The following BBS9 variants were observed in gnomAD, a reference collection of about 807,000 sequenced individuals.
BBS9 encodes protein PTHB1.
In BBS9, 89 loss-of-function variants were observed where a neutral mutation model predicts 117.7. The ratio of observed to expected loss-of-function variants is 0.76; its 90% CI spans 0.64 to 0.90. The LOEUF (loss-of-function observed/expected upper bound fraction) is 0.90, where lower values mean the gene tolerates loss of function less well. Among genes scored for constraint, BBS9 ranks in the 40% least tolerant of loss-of-function variants. The pLI is 0.00. For synonymous variants in BBS9, 379 were observed against 370.9 expected (o/e 1.02, Z -0.25); for missense variants, 982 against 1,042.2 (o/e 0.94, Z 0.80).
chr7:33,574,700 C>CACAT lies in BBS9; in HGVS notation c.2522-30162_2522-30161insTACA, dbSNP rs1187744909. Among the ~76,000 whole-genome samples, 244 of 140,002 alleles carry CACAT rather than the reference C, an allele frequency of 1.7e-3. 2 individuals carry two copies. Among genetic ancestry groups the CACAT allele is most frequent in the Middle Eastern group, 7.1e-3 (2 of 280 alleles). 91.8% of individuals were successfully genotyped at this position (140,002 alleles called of 152,430 possible). A position where few individuals can be genotyped will look rare whatever the true frequency, so the allele number is the denominator to read the frequency against. On this transcript the variant is annotated intron_variant, in intron 21 of 22. Transcript: ENST00000242067. The stretch of plus-strand genomic sequence containing the variant: ...GTCATAGAAAACACACACACACACA[C>CACAT]ACACACACACACACACACACACACA...
intron 21 of BBS9, among the ~76,000 whole-genome samples, chr7:33,576,125 T>C (rs1427068919): frequency 6.6e-6 from 1 of 152,206 alleles, no homozygotes; most frequent in Non-Finnish European, 1.5e-5. Flanking sequence ...TGTCCCTGTT[T>C]GCAGGTGACA....
intron 21 of BBS9, among the ~76,000 whole-genome samples, chr7:33,633,688 G>T (rs983743288): frequency 6.6e-6 from 1 of 151,920 alleles, no homozygotes; most frequent in Non-Finnish European, 1.5e-5. Context: ...AGGCATACTT[G>T]CAGTATTCCT....
intron 9 of BBS9, among the ~76,000 whole-genome samples, chr7:33,330,406 T>A (rs1245590113): frequency 6.6e-6 from 1 of 152,200 alleles, no homozygotes; most frequent in African/African-American, 2.4e-5. Context: ...TGGTTGCCAA[T>A]GTTTTCTGAG....
At chr7:33,464,187 A>G (rs1419710927) in intron 19 of BBS9, among the ~76,000 whole-genome samples, 1 of 152,096 alleles carries the variant, frequency 6.6e-6, no homozygotes, top group East Asian at 1.9e-4. Flanking sequence ...CATTAGCTTT[A>G]TTTAACTAAA....
At chr7:33,430,443 A>C (rs1052136052) in intron 19 of BBS9, among the ~76,000 whole-genome samples, 8 of 152,210 alleles carry the variant, frequency 5.3e-5, no homozygotes, top group African/African-American at 1.7e-4. Context: ...TAGCATCTAG[A>C]AAATAGTTGG....
At chr7:33,170,037 G>T (rs577416793) in intron 4 of BBS9, among the ~76,000 whole-genome samples, 2 of 152,044 alleles carry the variant, frequency 1.3e-5, no homozygotes, top group African/African-American at 4.8e-5. Context: ...GGAGGAACTG[G>T]TACCATTCCT....
At chr7:33,518,275 G>A (rs1393465538) in intron 20 of BBS9, among the ~76,000 whole-genome samples, 4 of 103,698 alleles carry the variant, frequency 3.9e-5, no homozygotes, top group African/African-American at 1.5e-4. Context: ...TTTTTGAGAT[G>A]GAGTCCCACC....
chr7:33,576,500 C>T (rs1278767857), intron 21 of BBS9, among the ~76,000 whole-genome samples: 1 of 152,090 alleles, frequency 6.6e-6, no homozygotes, highest in African/African-American at 2.4e-5. Context: ...TTTATAGATT[C>T]AATGTCGTCC....
intron 2 of BBS9, among the ~76,000 whole-genome samples, chr7:33,151,850 CTTTTT>C (rs11346140): frequency 2.4e-5 from 2 of 82,352 alleles, no homozygotes; most frequent in African/African-American, 4.5e-5. Flanking sequence ...TGCACCCAGC[CTTTTT>C]TTTTTTTTTT....
chr7:33,499,354 G>A (rs1359762504), intron 19 of BBS9, among the ~76,000 whole-genome samples: 1 of 152,168 alleles, frequency 6.6e-6, no homozygotes, highest in Non-Finnish European at 1.5e-5. Context: ...GCAAAGTCAG[G>A]ACTAGAAGCT....
intron 21 of BBS9, among the ~76,000 whole-genome samples, chr7:33,558,687 C>T (rs563904066): frequency 6.6e-6 from 1 of 152,174 alleles, no homozygotes; most frequent in South Asian, 2.1e-4. Context: ...GGCCAACCTG[C>T]ATTCATAATC....
chr7:33,552,653 G>A (rs1050279367), intron 21 of BBS9, among the ~76,000 whole-genome samples: 27 of 152,022 alleles, frequency 1.8e-4, no homozygotes, highest in African/African-American at 6.0e-4. Flanking sequence ...AATTGATTTC[G>A]TATCTCATTC....
rs528495110 is a variant in BBS9 at position 33,471,208 on chromosome 7, A to T, written c.2116-34255A>T. Reference sequence around the variant, plus strand: ...CTCCTTTTACTTGATTTTTAAATGTACAGTCATAGTGGGATGGGGGAAGAA... The same window carrying T: ...CTCCTTTTACTTGATTTTTAAATGTTCAGTCATAGTGGGATGGGGGAAGAA... On this transcript the variant is annotated intron_variant, in intron 19 of 22. Transcript: ENST00000242067. 1.4e-4 allele frequency among the ~76,000 whole-genome samples: 21 copies of T among 152,306 alleles called. No homozygotes were observed. In the Middle Eastern group the frequency reaches 0.01, roughly 74 times the overall value.
At chr7:33,136,262 C>A (rs9886317) in intron 1 of BBS9, among the ~76,000 whole-genome samples, 24,602 of 152,054 alleles carry the variant, frequency 0.16, 2,131 homozygotes, top group South Asian at 0.21. Flanking sequence ...TTCCCAAATT[C>A]CTTAGGATTT....
chr7:33,348,807 T>C (rs1367240396), intron 12 of BBS9, among the ~76,000 whole-genome samples: 2 of 152,196 alleles, frequency 1.3e-5, no homozygotes, highest in Non-Finnish European at 2.9e-5. Context: ...ATCTCCTTCA[T>C]AACTAAGGAT....
At chr7:33,581,582 G>C (rs1347905333) in intron 21 of BBS9, among the ~76,000 whole-genome samples, 1 of 152,148 alleles carries the variant, frequency 6.6e-6, no homozygotes, top group Non-Finnish European at 1.5e-5. Context: ...ACGGAGCCCA[G>C]CTGATAAATA....
chr7:33,590,708 A>G (rs1217340079), intron 21 of BBS9, among the ~76,000 whole-genome samples: 1 of 151,752 alleles, frequency 6.6e-6, no homozygotes, highest in Non-Finnish European at 1.5e-5. Flanking sequence ...CTTGTGTATC[A>G]TTTACTATGA....
intron 5 of BBS9, among the ~76,000 whole-genome samples, chr7:33,230,877 A>G (rs1562841928): frequency 6.6e-6 from 1 of 152,180 alleles, no homozygotes; most frequent in South Asian, 2.1e-4. Context: ...GCTGCAATAA[A>G]CATATGCATG....
intron 5 of BBS9, among the ~76,000 whole-genome samples, chr7:33,204,669 C>T (rs1786572423): frequency 6.6e-6 from 1 of 152,138 alleles, no homozygotes; most frequent in Non-Finnish European, 1.5e-5. Context: ...CAATCAGTTA[C>T]CTTATTGTCA....
Sources: gnomAD v4.1 joint callset for allele counts (sites outside exome capture counted in the v4.1 genomes callset) on GRCh38, gnomAD v4.1.1 for gene constraint, MANE v1.5 for transcripts, NCBI Gene and HGNC (gene_info 2026-07-23, HGNC 2026-07-21) for gene names.